OTULIN: variants seen among roughly 807,000 people sequenced by gnomAD.
OTULIN encodes OTU deubiquitinase with linear linkage specificity.
Under a neutral mutation model 39.6 loss-of-function variants are expected in OTULIN, and 15 were observed. The observed-to-expected ratio is 0.38, with a 90% confidence interval of 0.25 to 0.58. The LOEUF (loss-of-function observed/expected upper bound fraction) is 0.58. OTULIN is among the 20% of genes least tolerant of loss of function. The pLI, the probability that OTULIN is intolerant of heterozygous loss-of-function variation, is 0.66. For synonymous variants in OTULIN, 156 were observed against 170.3 expected, an observed-to-expected ratio of 0.92 and a Z score of 0.65; for missense variants, 319 against 445.9, an observed-to-expected ratio of 0.72 and a Z score of 2.56.
rs943729737 is a variant in OTULIN at position 14,698,732 on chromosome 5, C to T, written c.*5684C>T. ...ACCTATGATGTCCACATGGCTGACT[C>T]TTGACCCCTGGCCATTGTGAGCAGA... On this transcript the variant is annotated 3_prime_UTR_variant, in exon 7 of 7. Coordinates refer to ENST00000284274, the MANE Select transcript of OTULIN (RefSeq NM_138348.6). 1 of 152,298 alleles carries T rather than the reference C, an allele frequency of 6.6e-6. No individual in the cohort carries two copies. The highest frequency in any genetic ancestry group is 1.5e-5 in the Non-Finnish European group (1 of 68,116). The allele number at this position is 152,298 out of a possible 1,614,324, so 9.4% of individuals were successfully genotyped here. A position where few individuals can be genotyped will look rare whatever the true frequency, so the allele number is the denominator to read the frequency against.
the OTULIN span, chr5:14,710,451 G>A: frequency 1.3e-5 from 2 of 152,564 alleles, no homozygotes; most frequent in African/African-American, 4.8e-5. Flanking sequence ...CGGTGGGGGT[G>A]AGAACTGACA....
intron 4 of OTULIN, among the ~76,000 whole-genome samples, chr5:14,685,126 C>T (rs1736352792): frequency 6.6e-6 from 1 of 152,214 alleles, no homozygotes; most frequent in Non-Finnish European, 1.5e-5. Flanking sequence ...AAGTTCGTTA[C>T]ATTTTATAAT....
the OTULIN span, chr5:14,709,395 A>ATGTACTGAAT: frequency 6.6e-6 from 1 of 152,178 alleles, no homozygotes. Context: ...TATATGTATT[A>ATGTACTGAAT]ATGGAGGAAA....
chr5:14,681,345 C>A, intron 3 of OTULIN, 119 bp from the exon 4 acceptor site: 1 of 1,174,432 alleles, frequency 8.5e-7, no homozygotes, highest in Non-Finnish European at 1.2e-6. Context: ...GGACATAAAA[C>A]TCCAACTTTG....
intron 4 of OTULIN, 39 bp downstream of exon 4, chr5:14,681,646 A>T (rs757852944): frequency 1.2e-5 from 19 of 1,578,094 alleles, no homozygotes; most frequent in Non-Finnish European, 1.5e-5. Flanking sequence ...AAATGTTTCA[A>T]ACAATTTTTG....
intron 4 of OTULIN, among the ~76,000 whole-genome samples, chr5:14,682,957 A>C (rs1736292649): frequency 1.3e-5 from 2 of 152,316 alleles, no homozygotes; most frequent in African/African-American, 4.8e-5. Context: ...AGAATAAAGA[A>C]GACTTTTAGA....
rs1236559859 is a variant in OTULIN at position 14,698,517 on chromosome 5, G to C, written c.*5469G>C. The C allele has an allele frequency of 6.6e-6, 1 of 152,220 alleles. No homozygotes were observed. The highest frequency in any genetic ancestry group is 1.5e-5 in the Non-Finnish European group (1 of 68,046). The allele number at this position is 152,220 out of a possible 1,614,324, so 9.4% of individuals were successfully genotyped here. On this transcript the variant is annotated 3_prime_UTR_variant, in exon 7 of 7. Transcript: ENST00000284274. ...CACTGTCAGAAGCTGAACTGACTTG[G>C]GGGCTTTGCTGTTGATCCACTTTAG...
chr5:14,713,849 C>A, the OTULIN span, among the ~76,000 whole-genome samples: 1 of 152,354 alleles, frequency 6.6e-6, no homozygotes, highest in East Asian at 1.9e-4. The surrounding 1 kb of genome is among the most constrained non-coding windows in gnomAD (Gnocchi z 4.4). Flanking sequence ...GAGCCTAGGC[C>A]CGCCTCGGCT....
chr5:14,712,743 C>A, the OTULIN span: 1 of 915,880 alleles, frequency 1.1e-6, no homozygotes, highest in Non-Finnish European at 1.7e-6. Context: ...CCCTAAGCCA[C>A]GAGACTGGGC....
intron 4 of OTULIN, among the ~76,000 whole-genome samples, chr5:14,685,343 A>C (rs768573014): frequency 6.6e-6 from 1 of 152,178 alleles, no homozygotes; most frequent in Non-Finnish European, 1.5e-5. Flanking sequence ...TACCTACTTT[A>C]TTCTTGAATA....
At chr5:14,711,086 TACCAA>T in the OTULIN span, 1 of 977,740 alleles carries the variant, frequency 1.0e-6, no homozygotes, top group Non-Finnish European at 1.6e-6. Context: ...CCTCTTTCAT[TACCAA>T]AACAAAACAA....
At chr5:14,666,616 C>G (rs1454217651) in intron 1 of OTULIN, among the ~76,000 whole-genome samples, 1 of 152,166 alleles carries the variant, frequency 6.6e-6, no homozygotes, top group Non-Finnish European at 1.5e-5. Flanking sequence ...GTTTGCTTCC[C>G]AGTAGATGTC....
At chr5:14,711,160 A>C in the OTULIN span, 1 of 1,517,782 alleles carries the variant, frequency 6.6e-7, no homozygotes, top group East Asian at 2.3e-5. Flanking sequence ...TGTCATCCTG[A>C]CTGACTGTCC....
At chr5:14,708,787 ATAT>A in the OTULIN span, 1 of 152,310 alleles carries the variant, frequency 6.6e-6, no homozygotes. Flanking sequence ...CTCTAACCAA[ATAT>A]TATGGCCCAC....
intron 1 of OTULIN, among the ~76,000 whole-genome samples, chr5:14,666,709 C>T (rs746690547): frequency 1.3e-5 from 2 of 152,160 alleles, no homozygotes; most frequent in Non-Finnish European, 2.9e-5. Flanking sequence ...TTCTCTTTCA[C>T]CTCTCATAAG....
intron 6 of OTULIN, among the ~76,000 whole-genome samples, chr5:14,692,634 G>C (rs908352844): frequency 6.7e-6 from 1 of 149,580 alleles, no homozygotes; most frequent in African/African-American, 2.5e-5. Context: ...CTTTATTCTG[G>C]ATACAGGATC....
At chr5:14,668,371 T>C (rs1427007345) in intron 1 of OTULIN, among the ~76,000 whole-genome samples, 1 of 152,218 alleles carries the variant, frequency 6.6e-6, no homozygotes, top group East Asian at 1.9e-4. Flanking sequence ...TGGAGTAGCA[T>C]GAGCCAGTCG....
downstream of OTULIN, among the ~76,000 whole-genome samples, chr5:14,702,331 A>G (rs939261633): frequency 6.6e-6 from 1 of 152,112 alleles, no homozygotes; most frequent in African/African-American, 2.4e-5. Context: ...AGGTGACTGG[A>G]TACACCCAGT....
chr5:14,689,004 A>G (rs1265983241), intron 5 of OTULIN, among the ~76,000 whole-genome samples: 1 of 152,212 alleles, frequency 6.6e-6, no homozygotes, highest in Non-Finnish European at 1.5e-5. Flanking sequence ...CTTCTATGCC[A>G]GGCTCCACAC....
Sources: allele counts gnomAD v4.1 joint callset (sites outside exome capture counted in the v4.1 genomes callset), GRCh38; gene constraint gnomAD v4.1.1; non-coding constraint Gnocchi (gnomAD v3.1); transcripts MANE v1.5; gene names NCBI Gene and HGNC (gene_info 2026-07-23, HGNC 2026-07-21).